The following SKP2 variants were observed in gnomAD, a reference collection of about 807,000 sequenced individuals.
The protein encoded by SKP2 is S-phase kinase associated protein 2.
Under a neutral mutation model 51.8 loss-of-function variants are expected in SKP2, and 16 were observed. The ratio of observed to expected loss-of-function variants is 0.31; its 90% CI spans 0.21 to 0.47. The LOEUF (loss-of-function observed/expected upper bound fraction) is 0.47, where lower values mean the gene tolerates loss of function less well. SKP2 is among the 20% of genes least tolerant of loss of function. The probability of loss-of-function intolerance (pLI) is 1.00; values close to 1 mark genes in which losing one functional copy is unlikely to be tolerated. For missense variants in SKP2, 377 were observed against 505.3 expected (o/e 0.75, Z 2.43); for synonymous variants, 176 against 198.6 (o/e 0.89, Z 0.96).
downstream of SKP2, among the ~76,000 whole-genome samples, chr5:36,186,504 CAT>C (rs1257392473): frequency 2.0e-5 from 3 of 152,144 alleles, no homozygotes; most frequent in African/African-American, 7.2e-5. Context: ...TTGAGATAAT[CAT>C]GTGGTTTTTG....
At chr5:36,171,149 G>T (rs1170330850) in intron 6 of SKP2, among the ~76,000 whole-genome samples, 1 of 152,146 alleles carries the variant, frequency 6.6e-6, no homozygotes, top group East Asian at 1.9e-4. Flanking sequence ...TGAAACCCTC[G>T]TTTTTGCTCA....
chr5:36,153,285 G>A (rs1744818599), intron 2 of SKP2, among the ~76,000 whole-genome samples: 2 of 151,524 alleles, frequency 1.3e-5, no homozygotes, highest in African/African-American at 4.9e-5. Context: ...TTTAACCCAT[G>A]AGAAGACATT....
intron 7 of SKP2, chr5:36,193,472 C>T (rs1273391298): frequency 2.2e-5 from 2 of 91,366 alleles, no homozygotes; most frequent in South Asian, 4.0e-4. Flanking sequence ...AGACTCCGTT[C>T]TCAAAAAAAA....
intron 2 of SKP2, among the ~76,000 whole-genome samples, chr5:36,162,476 T>C (rs992683246): frequency 3.3e-5 from 5 of 152,222 alleles, no homozygotes; most frequent in Non-Finnish European, 5.9e-5. Context: ...CCCTGTTTAA[T>C]TTTTCTGCAC....
rs1453392583 is a variant in SKP2, at chr5:36,178,312, A to C, written c.1061+1020A>C. ...ATTTGAACAAAGAACTTTAGTCCTC[A>C]GAATCATAGTTTGAATCTTTTAAGT... is the stretch of plus-strand genomic sequence containing the variant. On this transcript the variant is annotated intron_variant, in intron 9 of 9. Transcript: ENST00000274255. Among the ~76,000 whole-genome samples the C allele has an allele frequency of 2.6e-5, 4 of 152,210 alleles. No individual in the cohort carries two copies. The East Asian group carries it at 7.7e-4, about 29-fold the overall frequency.
intron 8 of SKP2, 61 bp from the exon 9 acceptor site, chr5:36,177,124 G>T (rs1438228934): frequency 7.5e-7 from 1 of 1,327,136 alleles, no homozygotes; most frequent in Non-Finnish European, 1.1e-6. Context: ...GGTTATTTCT[G>T]TCTTCTTTAT....
intron 6 of SKP2, chr5:36,192,521 A>G (rs1746054815): frequency 6.7e-6 from 1 of 150,214 alleles, no homozygotes; most frequent in African/African-American, 2.5e-5. Context: ...TTTCAACTCA[A>G]GTGGATATTT....
intron 2 of SKP2, among the ~76,000 whole-genome samples, chr5:36,157,403 A>G (rs927107597): frequency 6.6e-6 from 1 of 152,180 alleles, no homozygotes; most frequent in Non-Finnish European, 1.5e-5. Flanking sequence ...TGTGGGACTG[A>G]AGGGGTACAT....
chr5:36,165,929 TAC>T (rs977316091), intron 3 of SKP2, among the ~76,000 whole-genome samples: 1 of 152,214 alleles, frequency 6.6e-6, no homozygotes, highest in African/African-American at 2.4e-5. Flanking sequence ...CATTAGTTCA[TAC>T]ACACACATAT....
chr5:36,152,170 G>C lies in SKP2; in HGVS notation c.-93G>C, dbSNP rs918577547. On this transcript the variant is annotated 5_prime_UTR_variant, in exon 1 of 10. Transcript: ENST00000274255. ...TGGCTGCTGGGGGCCCGAGCAGCACGCTCGGAGCCGCCGCGCGCCAAAGCG... is the reference window on the plus strand; with the variant it reads ...TGGCTGCTGGGGGCCCGAGCAGCACCCTCGGAGCCGCCGCGCGCCAAAGCG... 4.3e-6 allele frequency: 6 copies of C among 1,380,958 alleles called. No homozygotes were observed. The East Asian group carries it at 1.4e-4, about 32-fold the overall frequency. The allele number at this position is 1,380,958 out of a possible 1,614,324, so 85.5% of individuals were successfully genotyped here.
intron 2 of SKP2, among the ~76,000 whole-genome samples, chr5:36,158,001 T>G (rs1745006125): frequency 6.6e-6 from 1 of 152,220 alleles, no homozygotes; most frequent in Admixed American, 6.5e-5. Context: ...AGTGGGAAAC[T>G]GGGTTTGCAC....
chr5:36,173,778 G>A (rs1279053019), intron 7 of SKP2, among the ~76,000 whole-genome samples: 2 of 152,062 alleles, frequency 1.3e-5, no homozygotes, highest in Admixed American at 6.6e-5. Flanking sequence ...ATACCATGGG[G>A]ATAAAAAGTT....
At chr5:36,171,571 C>T (rs879136823) in intron 6 of SKP2, 32 bp from the exon 7 acceptor site, 6 of 1,603,744 alleles carry the variant, frequency 3.7e-6, no homozygotes, top group Non-Finnish European at 5.1e-6. Flanking sequence ...GTGATGGTTT[C>T]ATATTTTGTT....
rs40030 is a variant in SKP2, at chr5:36,176,772, G to A, written c.902-193G>A. Among the ~76,000 whole-genome samples the A allele has an allele frequency of 0.61, 93,276 of 151,672 alleles. 34,349 individuals are homozygous for A. Among genetic ancestry groups the A allele is most frequent in the Non-Finnish European group, 0.82 (55,893 of 67,848 alleles). ...GTCATTTTACACAGTTTTCTTTTTC[G>A]GATGATTCTCTTGGGCTTTTTGGGT... On this transcript the variant is annotated intron_variant, in intron 7 of 9. Coordinates refer to ENST00000274255, the MANE Select transcript of SKP2 (RefSeq NM_005983.4).
At chr5:36,178,001 A>C (rs549137198) in intron 9 of SKP2, among the ~76,000 whole-genome samples, 1 of 152,166 alleles carries the variant, frequency 6.6e-6, no homozygotes, top group Admixed American at 6.5e-5. Flanking sequence ...AGTGCAAGAA[A>C]GCAGCAGCCT....
Position 36,183,064 on chromosome 5 carries a change from C to T in SKP2, c.*1033C>T, listed in dbSNP as rs1027412065. The stretch of plus-strand genomic sequence containing the variant: ...TCCATATATAAGGTTATCAGACCTA[C>T]AGTTCCCTAAGAGGAACTGCATGTT... On this transcript the variant is annotated 3_prime_UTR_variant, in exon 10 of 10. Transcript: ENST00000274255. 4.1e-6 allele frequency: 4 copies of T among 977,810 alleles called. No homozygotes were observed. The African/African-American group carries it at 7.0e-5, about 17-fold the overall frequency. 60.6% of individuals were successfully genotyped at this position (977,810 alleles called of 1,614,324 possible).
chr5:36,167,907 T>C (rs913867239), intron 4 of SKP2, among the ~76,000 whole-genome samples: 1 of 152,046 alleles, frequency 6.6e-6, no homozygotes, highest in Non-Finnish European at 1.5e-5. Context: ...CGTGAGCCAC[T>C]GCGCCCAGCC....
At chr5:36,160,851 C>T (rs1409994274) in intron 2 of SKP2, among the ~76,000 whole-genome samples, 1 of 152,182 alleles carries the variant, frequency 6.6e-6, no homozygotes, top group Non-Finnish European at 1.5e-5. Context: ...CTCACAACCT[C>T]CAGCTGCCTC....
intron 7 of SKP2, among the ~76,000 whole-genome samples, chr5:36,175,125 G>T (rs1308503824): frequency 6.6e-6 from 1 of 152,108 alleles, no homozygotes; most frequent in African/African-American, 2.4e-5. Context: ...TGACACTTAA[G>T]GTGGTAAGAA....
Sources: gnomAD v4.1 joint callset for allele counts (sites outside exome capture counted in the v4.1 genomes callset) on GRCh38, gnomAD v4.1.1 for gene constraint, MANE v1.5 for transcripts, NCBI Gene and HGNC (gene_info 2026-07-23, HGNC 2026-07-21) for gene names.